FAM200B: variants seen among roughly 807,000 people sequenced by gnomAD.
FAM200B encodes the protein zinc finger BED-type containing 11.
A neutral mutation model predicts 33.1 loss-of-function variants in FAM200B; 32 were observed. The ratio of observed to expected loss-of-function variants is 0.97; its 90% CI spans 0.73 to 1.30. The LOEUF is 1.30. Among genes scored for constraint, FAM200B ranks in the 50% most tolerant of loss-of-function variants. FAM200B has a pLI of 0.00. For missense variants in FAM200B, 741 were observed against 754.0 expected (o/e 0.98, Z 0.20); for synonymous variants, 240 against 264.8 (o/e 0.91, Z 0.91).
the FAM200B span, chr4:15,655,258 G>A: frequency 2.5e-4 from 361 of 1,443,788 alleles, 1 homozygote; most frequent in African/African-American, 4.6e-3. Flanking sequence ...GGGCGGTGAA[G>A]ACGTCCACTT....
In FAM200B at chr4:15,690,192, G is replaced by T. The variant is rs1233737262; in HGVS notation, c.*1241G>T. On this transcript the variant is annotated 3_prime_UTR_variant, in exon 2 of 2. Coordinates refer to ENST00000422728, the MANE Select transcript of FAM200B (RefSeq NM_001145191.2). Reference sequence around the variant, plus strand: ...ATTGATGTTGCTTCACGTTGCTGATGCTTAAGCAATGTATATTGTGTAATA... The same window carrying T: ...ATTGATGTTGCTTCACGTTGCTGATTCTTAAGCAATGTATATTGTGTAATA... 6.0e-6 allele frequency: 1 copy of T among 167,058 alleles called. No individual in the cohort carries two copies. Among genetic ancestry groups the T allele is most frequent in the African/African-American group, 2.4e-5 (1 of 41,448 alleles). 10.3% of individuals were successfully genotyped at this position (167,058 alleles called of 1,614,324 possible). A position where few individuals can be genotyped will look rare whatever the true frequency, so the allele number is the denominator to read the frequency against.
In FAM200B at chr4:15,686,746, T is replaced by C. The variant is rs911785739; in HGVS notation, c.-232T>C. 2 of 293,766 alleles carry C rather than the reference T, an allele frequency of 6.8e-6. No individual in the cohort carries two copies. The highest frequency in any genetic ancestry group is 5.7e-5 in the East Asian group (1 of 17,424). The allele number at this position is 293,766 out of a possible 1,614,324, so 18.2% of individuals were successfully genotyped here. A position where few individuals can be genotyped will look rare whatever the true frequency, so the allele number is the denominator to read the frequency against. On this transcript the variant is annotated 5_prime_UTR_variant, in exon 2 of 2. An upstream open reading frame in the 5' UTR loses its in-frame stop. Coordinates refer to ENST00000422728, the MANE Select transcript of FAM200B (RefSeq NM_001145191.2). ...TGGCTAAGAAATGGTTTTCAGTCAT[T>C]GATTCCTGGGTGTCTTGCTTGATTT... is the stretch of plus-strand genomic sequence containing the variant.
At chr4:15,659,235 G>A in the FAM200B span, among the ~76,000 whole-genome samples, 1 of 152,086 alleles carries the variant, frequency 6.6e-6, no homozygotes. Flanking sequence ...ATACATAGTA[G>A]GCATAAAATA....
the FAM200B span, among the ~76,000 whole-genome samples, chr4:15,642,472 G>A: frequency 1.3e-5 from 2 of 152,182 alleles, no homozygotes; most frequent in East Asian, 1.9e-4. Flanking sequence ...CTGACCTCAA[G>A]TGATCTGCCC....
chr4:15,655,258 G>C, the FAM200B span: 1 of 1,443,794 alleles, frequency 6.9e-7, no homozygotes, highest in South Asian at 1.3e-5. Context: ...GGGCGGTGAA[G>C]ACGTCCACTT....
At chr4:15,644,411 TA>T in the FAM200B span, 869 of 1,120,318 alleles carry the variant, frequency 7.8e-4, 7 homozygotes, top group African/African-American at 0.012. Flanking sequence ...TCATTTACTA[TA>T]AAACAGTGAC....
the FAM200B span, among the ~76,000 whole-genome samples, chr4:15,660,644 G>A: frequency 6.6e-6 from 1 of 152,156 alleles, no homozygotes; most frequent in Non-Finnish European, 1.5e-5. Flanking sequence ...CGACTGTAAA[G>A]ACTTGGTCTG....
At chr4:15,677,483 G>A (rs991580596), upstream of FAM200B, among the ~76,000 whole-genome samples, 1 of 152,174 alleles carries the variant, frequency 6.6e-6, no homozygotes, top group Admixed American at 6.5e-5. Context: ...CCAACTAGGT[G>A]TTTACAGGAT....
At chr4:15,680,089 G>T (rs375951625), upstream of FAM200B, among the ~76,000 whole-genome samples, 3 of 151,550 alleles carry the variant, frequency 2.0e-5, no homozygotes, top group African/African-American at 7.3e-5. Context: ...CTGATAAGGA[G>T]GAATATCCAG....
At chr4:15,656,245 CTCTT>C in the FAM200B span, 4 of 456,104 alleles carry the variant, frequency 8.8e-6, no homozygotes, top group Admixed American at 7.0e-5. Context: ...AAATGTCTGC[CTCTT>C]TCCCATAAAT....
chr4:15,667,756 G>A, the FAM200B span, among the ~76,000 whole-genome samples: 1 of 152,022 alleles, frequency 6.6e-6, no homozygotes, highest in Non-Finnish European at 1.5e-5. Flanking sequence ...TTGACTTCCT[G>A]GTATAAGATG....
chr4:15,687,571 C>G lies in FAM200B; in HGVS notation c.594C>G (p.Asn198Lys). 1.3e-6 allele frequency: 2 copies of G among 1,550,072 alleles called. No homozygotes were observed. Among genetic ancestry groups the G allele is most frequent in the South Asian group, 2.4e-5 (2 of 84,004 alleles). ...ADKLKTIPND[N>K]TVSLRICTIA... ...AATTAAAAACTATACCTAATGATAA[C>G]ACAGTATCTCTTCGAATTTGTACTA... is the stretch of plus-strand genomic sequence containing the variant. The change falls in exon 2 of 2, where the codon AAC becomes AAG. Residue 198 changes from asparagine to lysine, a missense_variant. Asn to Lys is a moderately conservative substitution (Grantham distance 94). Coordinates refer to ENST00000422728, the MANE Select transcript of FAM200B (RefSeq NM_001145191.2).
chr4:15,638,705 C>T, the FAM200B span: 9 of 1,520,798 alleles, frequency 5.9e-6, no homozygotes, highest in African/African-American at 1.3e-4. Flanking sequence ...CTAAATTAAA[C>T]AAAATATTCA....
chr4:15,675,840 C>A, the FAM200B span, among the ~76,000 whole-genome samples: 1 of 152,138 alleles, frequency 6.6e-6, no homozygotes, highest in African/African-American at 2.4e-5. Context: ...GCCTCGGCCT[C>A]CCAAAGTGCT....
At chr4:15,639,988 C>G in the FAM200B span, among the ~76,000 whole-genome samples, 2 of 152,068 alleles carry the variant, frequency 1.3e-5, no homozygotes, top group Non-Finnish European at 2.9e-5. Flanking sequence ...ACGTTTTGCC[C>G]ATTCATTCAA....
In FAM200B at chr4:15,689,982, A is replaced by T. The variant is rs190096804; in HGVS notation, c.*1031A>T. ...TTCCATAGTAGGGGAGGTGATATCC[A>T]TTTGCCTGATACATAGTATGTGTTC... On this transcript the variant is annotated 3_prime_UTR_variant, in exon 2 of 2. Coordinates refer to ENST00000422728, the MANE Select transcript of FAM200B (RefSeq NM_001145191.2). The T allele has an allele frequency of 2.4e-5, 4 of 167,186 alleles. No homozygotes were observed. In the East Asian group the frequency reaches 7.7e-4, roughly 32 times the overall value. 10.4% of individuals were successfully genotyped at this position (167,186 alleles called of 1,614,324 possible). A position where few individuals can be genotyped will look rare whatever the true frequency, so the allele number is the denominator to read the frequency against.
chr4:15,676,794 A>C (rs1048504109), upstream of FAM200B, among the ~76,000 whole-genome samples: 3 of 152,178 alleles, frequency 2.0e-5, no homozygotes, highest in African/African-American at 2.4e-5. Flanking sequence ...CACTTTCAGA[A>C]TAAATAATTT....
chr4:15,684,916 A>G, intron 1 of FAM200B: 1 of 152,230 alleles, frequency 6.6e-6, no homozygotes, highest in Non-Finnish European at 1.5e-5. Flanking sequence ...AGTCAAAGGC[A>G]TCTACCAGGT....
At chr4:15,679,562 CAA>C (rs1202369624), upstream of FAM200B, among the ~76,000 whole-genome samples, 19 of 94,376 alleles carry the variant, frequency 2.0e-4, no homozygotes, top group African/African-American at 2.9e-4. Flanking sequence ...AGTTCAGGAA[CAA>C]AAAAAAAAAA....
Sources: gnomAD v4.1 joint callset for allele counts (sites outside exome capture counted in the v4.1 genomes callset) on GRCh38, gnomAD v4.1.1 for gene constraint, MANE v1.5 for transcripts, NCBI Gene and HGNC (gene_info 2026-07-23, HGNC 2026-07-21) for gene names.